The following ACIN1 variants were observed in gnomAD, a reference collection of about 807,000 sequenced individuals.
ACIN1 encodes the protein apoptotic chromatin condensation inducer 1, also known as apoptotic chromatin condensation inducer in the nucleus.
Under a neutral mutation model 146.6 loss-of-function variants are expected in ACIN1, and 16 were observed. The ratio of observed to expected loss-of-function variants is 0.11; its 90% CI spans 0.07 to 0.17. ACIN1 has a LOEUF of 0.17. Ranked by LOEUF, ACIN1 falls within the 10% of genes least tolerant of loss-of-function variation. ACIN1 has a pLI of 1.00. For synonymous variants in ACIN1, 569 were observed against 582.7 expected (o/e 0.98, Z 0.34); for missense variants, 1,357 against 1,609.3 (o/e 0.84, Z 2.68).
chr14:23,059,746 C>T (rs192882789), intron 18 of ACIN1, among the ~76,000 whole-genome samples: 1 of 151,590 alleles, frequency 6.6e-6, no homozygotes. Context: ...CTCCACCTCC[C>T]GGGTTCACAC....
intron 10 of ACIN1, 127 bp from the exon 11 acceptor site, chr14:23,064,615 G>C (rs1453732016): frequency 1.5e-6 from 2 of 1,354,322 alleles, no homozygotes; most frequent in Non-Finnish European, 2.0e-6. Flanking sequence ...ATCATATTTG[G>C]AGGCTGAGTG....
chr14:23,079,134 A>G, intron 6 of ACIN1, 96 bp from the exon 7 acceptor site: 1 of 1,247,222 alleles, frequency 8.0e-7, no homozygotes, highest in Non-Finnish European at 1.1e-6. Flanking sequence ...ACCAAATTTT[A>G]TACTCTGGAC....
Position 23,078,957 on chromosome 14 carries a change from T to C in ACIN1, c.1870A>G (p.Thr624Ala), listed in dbSNP as rs377334859. The C allele has an allele frequency of 3.1e-6, 5 of 1,614,124 alleles. No individual in the cohort carries two copies. The highest frequency in any genetic ancestry group is 2.2e-5 in the South Asian group (2 of 91,076). The change falls in exon 7 of 19, where the codon ACT becomes GCT. Residue 624 changes from threonine to alanine, a missense_variant. Physicochemically the swap from Thr to Ala is moderately conservative, Grantham distance 58. Around this residue, in one of 4 missense-constraint regions of ACIN1, gnomAD observed 771 missense variants for 746.6 expected, o/e 1.03. Transcript: ENST00000605057. ...KDPSSGQEVA[T>A]PPVPQLQVCE... The stretch of plus-strand genomic sequence containing the variant: ...ACCTGCAGTTGTGGCACTGGTGGAG[T>C]TGCAACCTCCTGACCAGAAGAGGGA...
rs772556366 is a variant in ACIN1, at chr14:23,090,022, G to C, written c.396C>G (p.Ser132Arg). 7 of 1,613,298 alleles carry C rather than the reference G, an allele frequency of 4.3e-6. No homozygotes were observed. The Admixed American group carries it at 1.2e-4, about 27-fold the overall frequency. ...ASLLPPDFQS[S>R]LERPELELSR... ...TGAGCTCCAGCTCTGGTCTCTCCAG[G>C]CTGCTCTGAAAGTCAGGAGGCAGCA... The change falls in exon 4 of 19, where the codon AGC becomes AGG. Residue 132 changes from serine (S) to arginine (R), a missense_variant. Physicochemically the swap from Ser to Arg is moderately radical, Grantham distance 110. Coordinates refer to ENST00000605057, the MANE Select transcript of ACIN1 (RefSeq NM_001386863.1).
Position 23,066,021 on chromosome 14 carries a change from GA to G in ACIN1, c.2266-14del. The G allele has an allele frequency of 6.2e-7, 1 of 1,611,030 alleles. No individual in the cohort carries two copies. The highest frequency in any genetic ancestry group is 8.5e-7 in the Non-Finnish European group (1 of 1,178,238). Reference sequence around the variant, plus strand: ...TGGGCAGCGAGCTCTGTATGAAGAAGAAAAAGGGGAAAAAAAAGAGAAAGAG... The same window carrying G: ...TGGGCAGCGAGCTCTGTATGAAGAAGAAAAGGGGAAAAAAAAGAGAAAGAG... On this transcript the variant is annotated splice_polypyrimidine_tract_variant and intron_variant, in intron 9 of 18. Coordinates refer to ENST00000605057, the MANE Select transcript of ACIN1 (RefSeq NM_001386863.1).
chr14:23,090,196 G>A, intron 3 of ACIN1, 95 bp from the exon 4 acceptor site: 2 of 1,475,204 alleles, frequency 1.4e-6, no homozygotes, highest in South Asian at 2.7e-5. Context: ...CAAAGTCACA[G>A]ATACAGAGAT....
At chr14:23,088,436 AG>A (rs2048141970) in intron 4 of ACIN1, among the ~76,000 whole-genome samples, 1 of 152,216 alleles carries the variant, frequency 6.6e-6, no homozygotes, top group African/African-American at 2.4e-5. Context: ...CCTTAAAACT[AG>A]ACTCAAAGGC....
chr14:23,062,918 CA>C lies in ACIN1; in HGVS notation c.2883+10del. ...CTAAGCAAGCTGGGATGGTGAGAAA[CA>C]ATGACTTACCAAATTGGAGATATGG... On this transcript the variant is annotated intron_variant, in intron 14 of 18. Transcript: ENST00000605057. The C allele has an allele frequency of 6.3e-7, 1 of 1,598,852 alleles. No homozygotes were observed.
In ACIN1 at chr14:23,080,303, T is replaced by C. The variant is rs1370498103; in HGVS notation, c.1032A>G (p.Val344=). The C allele has an allele frequency of 6.2e-6, 10 of 1,614,218 alleles. No individual in the cohort carries two copies. Among genetic ancestry groups the C allele is most frequent in the Non-Finnish European group, 6.8e-6 (8 of 1,180,032 alleles). Residue 344 remains valine, a synonymous_variant, in exon 6 of 19, where the codon GTA becomes GTG. Coordinates refer to ENST00000605057, the MANE Select transcript of ACIN1 (RefSeq NM_001386863.1). ...LTEDRKKASL[V]ALPEQTASEE... ...CGCTGGCAGTTTGCTCTGGCAGCGC[T>C]ACAAGTGAGGCCTTCTTTCGATCTT...
At chr14:23,060,044 G>A (rs1021120990) in intron 18 of ACIN1, among the ~76,000 whole-genome samples, 2 of 144,030 alleles carry the variant, frequency 1.4e-5, no homozygotes, top group South Asian at 2.2e-4. Context: ...TGTGGTCTCC[G>A]ACTCGCAGGT....
chr14:23,088,374 T>C (rs1272250480), intron 4 of ACIN1, among the ~76,000 whole-genome samples: 2 of 152,200 alleles, frequency 1.3e-5, no homozygotes, highest in Non-Finnish European at 2.9e-5. Context: ...TAGAAATGTC[T>C]TTCTGGGTCT....
chr14:23,066,183 G>A (rs1357353049), intron 9 of ACIN1, 175 bp from the exon 10 acceptor site: 6 of 542,462 alleles, frequency 1.1e-5, no homozygotes, highest in African/African-American at 1.9e-5. Flanking sequence ...AGCGGCAAAC[G>A]GCAAAAACGA....
chr14:23,071,693 C>T, intron 8 of ACIN1: 20 of 832,112 alleles, frequency 2.4e-5, no homozygotes, highest in East Asian at 5.6e-5. Flanking sequence ...CGACTGCTGG[C>T]TCCAGAGGCC....
intron 8 of ACIN1, among the ~76,000 whole-genome samples, chr14:23,072,667 CTCAG>C: frequency 6.6e-6 from 1 of 152,214 alleles, no homozygotes; most frequent in East Asian, 1.9e-4. Flanking sequence ...AGAACCAAAG[CTCAG>C]TGTCTCGTGT....
At chr14:23,062,908 T>C in intron 14 of ACIN1, 21 bp downstream of exon 14, 1 of 1,592,070 alleles carries the variant, frequency 6.3e-7, no homozygotes. Context: ...CAAGCTGGGA[T>C]GGTGAGAAAC....
chr14:23,071,432 AC>A (rs1566741629), intron 8 of ACIN1: 1 of 1,551,602 alleles, frequency 6.4e-7, no homozygotes, highest in South Asian at 1.2e-5. Flanking sequence ...CTCACGGCAA[AC>A]CCCGAGTTCG....
chr14:23,078,079 A>C lies in ACIN1; in HGVS notation c.2123+72T>G. 3 of 1,394,616 alleles carry C rather than the reference A, an allele frequency of 2.2e-6. No individual in the cohort carries two copies. In the South Asian group the frequency reaches 3.6e-5, roughly 17 times the overall value. The allele number at this position is 1,394,616 out of a possible 1,614,324, so 86.4% of individuals were successfully genotyped here. On this transcript the variant is annotated intron_variant, in intron 8 of 18. Coordinates refer to ENST00000605057, the MANE Select transcript of ACIN1 (RefSeq NM_001386863.1). ...GGAAACTAGGACTGCTTAGTCAAAG[A>C]ACCCTAGGGAGCGAAGAACTATCGC... is the stretch of plus-strand genomic sequence containing the variant.
At chr14:23,093,018 A>C (rs1009145590) in intron 2 of ACIN1, among the ~76,000 whole-genome samples, 1 of 152,284 alleles carries the variant, frequency 6.6e-6, no homozygotes, top group Non-Finnish European at 1.5e-5. Context: ...GCACTGAGTT[A>C]GTAGTTAACA....
intron 8 of ACIN1, chr14:23,071,442 C>A (rs567120228): frequency 6.4e-7 from 1 of 1,551,642 alleles, no homozygotes; most frequent in South Asian, 1.2e-5. Flanking sequence ...ACCCCGAGTT[C>A]GGCTGGATTG....
Sources: gnomAD v4.1 joint callset for allele counts (sites outside exome capture counted in the v4.1 genomes callset) on GRCh38, gnomAD v4.1.1 for gene constraint, gnomAD v4.1.1 regional missense constraint, MANE v1.5 for transcripts, NCBI Gene and HGNC (gene_info 2026-07-23, HGNC 2026-07-21) for gene names.